Variants in TBC1D16 observed in about 807,000 individuals in gnomAD.
The protein encoded by TBC1D16 is CTD-2529O21.1.
In TBC1D16, 58 loss-of-function variants were observed where a neutral mutation model predicts 74.7. The ratio of observed to expected loss-of-function variants is 0.78; its 90% CI spans 0.63 to 0.97. TBC1D16 has a LOEUF of 0.97. TBC1D16 is among the 50% of genes least tolerant of loss of function. TBC1D16 has a pLI of 0.00. For missense variants in TBC1D16, 1,014 were observed against 1,079.5 expected, an observed-to-expected ratio of 0.94 and a Z score of 0.85; for synonymous variants, 493 against 474.7, an observed-to-expected ratio of 1.04 and a Z score of -0.50.
intron 1 of TBC1D16, among the ~76,000 whole-genome samples, chr17:80,025,000 C>T (rs907274753): frequency 8.8e-6 from 1 of 113,462 alleles, no homozygotes; most frequent in African/African-American, 3.8e-5. Flanking sequence ...TCTACACACA[C>T]ACCATAGACA....
intron 1 of TBC1D16, among the ~76,000 whole-genome samples, chr17:80,016,681 G>C (rs1279267700): frequency 6.6e-6 from 1 of 152,150 alleles, no homozygotes; most frequent in Admixed American, 6.5e-5. Flanking sequence ...GCAGGGGGCA[G>C]ATGTCAGTGG....
At position 79,993,813 on chromosome 17, in the gene TBC1D16, G is replaced by C. The variant is rs914797540; in HGVS notation, c.779+16347C>G. 6.6e-6 allele frequency among the ~76,000 whole-genome samples: 1 copy of C among 151,996 alleles called. No individual in the cohort carries two copies. The highest frequency in any genetic ancestry group is 1.9e-4 in the East Asian group (1 of 5,150). On this transcript the variant is annotated intron_variant, in intron 3 of 11. Coordinates refer to ENST00000310924, the MANE Select transcript of TBC1D16 (RefSeq NM_019020.4). This position sits in a 1 kb window ranked among gnomAD's most constrained non-coding sequence, Gnocchi z 5.1. ...GCTGTTGATGCAAGAGCTGGGGCTC[G>C]GGAGCCTCCCAAGGGCAGCTCTGTG...
chr17:79,972,777 T>C (rs1212889924), intron 3 of TBC1D16, among the ~76,000 whole-genome samples: 2 of 152,158 alleles, frequency 1.3e-5, no homozygotes, highest in Non-Finnish European at 2.9e-5. Context: ...GCCACTCAAC[T>C]GTGCACTTAC....
chr17:79,989,856 G>A (rs534175466), intron 3 of TBC1D16, among the ~76,000 whole-genome samples: 11 of 152,192 alleles, frequency 7.2e-5, no homozygotes, highest in South Asian at 2.1e-4. Flanking sequence ...CCACTCTAGC[G>A]CCAGCCCTTC....
At chr17:80,027,690 G>A (rs139528366) in intron 1 of TBC1D16, among the ~76,000 whole-genome samples, 1,728 of 151,624 alleles carry the variant, frequency 0.011, 37 homozygotes, top group African/African-American at 0.04. Context: ...TCAGGAGTTT[G>A]AGACCAGCCT....
intron 1 of TBC1D16, among the ~76,000 whole-genome samples, chr17:80,017,256 G>A (rs939919136): frequency 2.6e-5 from 4 of 152,082 alleles, no homozygotes; most frequent in African/African-American, 9.7e-5. Flanking sequence ...GAGTGCAGGA[G>A]CAGCCACAGA....
At chr17:79,977,156 C>A (rs1232259970) in intron 3 of TBC1D16, among the ~76,000 whole-genome samples, 1 of 152,334 alleles carries the variant, frequency 6.6e-6, no homozygotes, top group African/African-American at 2.4e-5. Flanking sequence ...CCTTCCCCAA[C>A]GAGGCGAACC....
At chr17:80,011,073 G>A (rs1014432923) in intron 2 of TBC1D16, among the ~76,000 whole-genome samples, 6 of 151,912 alleles carry the variant, frequency 3.9e-5, no homozygotes, top group African/African-American at 9.7e-5. Context: ...ACAGGGTCTC[G>A]CTCTGTGTCT....
At position 79,971,341 on chromosome 17, in the gene TBC1D16, T is replaced by C. The variant is rs2034095326; in HGVS notation, c.780-18523A>G. Among the ~76,000 whole-genome samples the C allele has an allele frequency of 6.6e-6, 1 of 152,194 alleles. No individual in the cohort carries two copies. Among genetic ancestry groups the C allele is most frequent in the Admixed American group, 6.5e-5 (1 of 15,268 alleles). The stretch of plus-strand genomic sequence containing the variant: ...CCCGGCCCACACTCCCAGTATTTTT[T>C]AAGTTGCTTAACATTTGCAAGTGGT... On this transcript the variant is annotated intron_variant, in intron 3 of 11. Coordinates refer to ENST00000310924, the MANE Select transcript of TBC1D16 (RefSeq NM_019020.4). The surrounding 1 kb of genome is among the most constrained non-coding windows in gnomAD (Gnocchi z 4.6).
chr17:80,019,904 T>A (rs2036228122), intron 1 of TBC1D16, among the ~76,000 whole-genome samples: 2 of 149,980 alleles, frequency 1.3e-5, no homozygotes, highest in Non-Finnish European at 2.9e-5. Context: ...AGGGTTGAAG[T>A]ACATCCCCTA....
Position 80,013,326 on chromosome 17 carries a change from C to A in TBC1D16, c.181+41G>T, listed in dbSNP as rs2035961082. ...TTAGAGCCCTGGCTCGGAAAATAAC[C>A]TGGGCTGTGCGACCCTGGAGCCTCG... On this transcript the variant is annotated intron_variant, in intron 2 of 11. Transcript: ENST00000310924. 8 of 1,552,302 alleles carry A rather than the reference C, an allele frequency of 5.2e-6. No individual in the cohort carries two copies. The Admixed American group carries it at 1.6e-4, about 31-fold the overall frequency.
At chr17:79,957,375 C>T (rs537743495) in intron 3 of TBC1D16, among the ~76,000 whole-genome samples, 3 of 152,246 alleles carry the variant, frequency 2.0e-5, no homozygotes, top group South Asian at 2.1e-4. Flanking sequence ...AATGAGCTGT[C>T]GAGCTGTGGA....
In TBC1D16 at chr17:79,994,185, C is replaced by CG; in HGVS notation, c.779+15974dup. Among the ~76,000 whole-genome samples, 1 of 151,822 alleles carries CG rather than the reference C, an allele frequency of 6.6e-6. No homozygotes were observed. Among genetic ancestry groups the CG allele is most frequent in the East Asian group, 1.9e-4 (1 of 5,176 alleles). On this transcript the variant is annotated intron_variant, in intron 3 of 11. Coordinates refer to ENST00000310924, the MANE Select transcript of TBC1D16 (RefSeq NM_019020.4). The surrounding 1 kb of genome is among the most constrained non-coding windows in gnomAD (Gnocchi z 4.6). ...CAGTCAATAACAGCATGGTTTAAGA[C>CG]GGCCCACCAGATGCACTGGCTCCGC...
At chr17:79,978,360 A>C (rs936470193) in intron 3 of TBC1D16, among the ~76,000 whole-genome samples, 1 of 152,146 alleles carries the variant, frequency 6.6e-6, no homozygotes, top group Non-Finnish European at 1.5e-5. Context: ...ACTGGGAGGA[A>C]GCGGGCAGGC....
rs760647251 is a variant in TBC1D16, at chr17:79,952,746, G to C, written c.852C>G (p.Asp284Glu). ...SNGLLQTPRWDEPQRVCALEQ... is the reference protein window; with the variant it reads ...SNGLLQTPRWEEPQRVCALEQ... ...CCAGGGCGCACACCCGCTGCGGCTC[G>C]TCCCAGCGTGGGGTCTGCAGGAGGC... Residue 284 changes from aspartate to glutamate, a missense_variant, in exon 4 of 12, where the codon GAC (aspartate) becomes GAG (glutamate). Asp to Glu is a conservative substitution (Grantham distance 45). Coordinates refer to ENST00000310924, the MANE Select transcript of TBC1D16 (RefSeq NM_019020.4). 1.2e-6 allele frequency: 2 copies of C among 1,612,072 alleles called. No individual in the cohort carries two copies. The highest frequency in any genetic ancestry group is 1.7e-6 in the Non-Finnish European group (2 of 1,179,406).
chr17:79,947,847 G>T lies in TBC1D16; in HGVS notation c.1542-16C>A, dbSNP rs1384939225. On this transcript the variant is annotated splice_polypyrimidine_tract_variant and intron_variant, in intron 8 of 11. Coordinates refer to ENST00000310924, the MANE Select transcript of TBC1D16 (RefSeq NM_019020.4). ...CAGGATCCTCCTGGGAGGCGGTGGA[G>T]ACAGCAGTGGGTGGGGATGACCCTC... The T allele has an allele frequency of 6.2e-7, 1 of 1,609,422 alleles. No individual in the cohort carries two copies. Among genetic ancestry groups the T allele is most frequent in the Non-Finnish European group, 8.5e-7 (1 of 1,177,462 alleles).
At chr17:79,984,187 A>G (rs2034718062) in intron 3 of TBC1D16, among the ~76,000 whole-genome samples, 1 of 152,132 alleles carries the variant, frequency 6.6e-6, no homozygotes, top group Non-Finnish European at 1.5e-5. Flanking sequence ...ACGCCCAGCC[A>G]ATTTTTCAAT....
chr17:79,998,965 C>T (rs539794345), intron 3 of TBC1D16, among the ~76,000 whole-genome samples: 24 of 152,158 alleles, frequency 1.6e-4, no homozygotes, highest in South Asian at 1.2e-3. Flanking sequence ...CTTAATAAAA[C>T]GTGAATGGGG....
At position 80,000,086 on chromosome 17, in the gene TBC1D16, C is replaced by T. The variant is rs946072342; in HGVS notation, c.779+10074G>A. The stretch of plus-strand genomic sequence containing the variant: ...GTTTTTAACCAGAGTCACTGCTCAG[C>T]CATCACTTGTGCTGAAGGCTTGAGC... On this transcript the variant is annotated intron_variant, in intron 3 of 11. Coordinates refer to ENST00000310924, the MANE Select transcript of TBC1D16 (RefSeq NM_019020.4). The surrounding 1 kb of genome is among the most constrained non-coding windows in gnomAD (Gnocchi z 4.1). Among the ~76,000 whole-genome samples the T allele has an allele frequency of 6.6e-6, 1 of 152,136 alleles. No homozygotes were observed. The highest frequency in any genetic ancestry group is 1.5e-5 in the Non-Finnish European group (1 of 68,032).
Sources: gnomAD v4.1 joint callset for allele counts (sites outside exome capture counted in the v4.1 genomes callset) on GRCh38, gnomAD v4.1.1 for gene constraint, Gnocchi (gnomAD v3.1) non-coding constraint, MANE v1.5 for transcripts, NCBI Gene and HGNC (gene_info 2026-07-23, HGNC 2026-07-21) for gene names.